Variants in TENT2 observed in about 807,000 individuals in gnomAD.
TENT2 encodes the protein poly(A) RNA polymerase GLD2.
In TENT2, 44 loss-of-function variants were observed where a neutral mutation model predicts 72.2. That is an observed-to-expected ratio of 0.61 (90% confidence interval 0.48 to 0.78). The LOEUF (loss-of-function observed/expected upper bound fraction) is 0.78, where lower values mean the gene tolerates loss of function less well. TENT2 is among the 30% of genes least tolerant of loss of function. The pLI, the probability that TENT2 is intolerant of heterozygous loss-of-function variation, is 0.00. For synonymous variants in TENT2, 212 were observed against 192.5 expected, an observed-to-expected ratio of 1.10 and a Z score of -0.84; for missense variants, 541 against 569.6, an observed-to-expected ratio of 0.95 and a Z score of 0.51.
At chr5:79,635,414 A>C (rs1779298704) in intron 4 of TENT2, among the ~76,000 whole-genome samples, 1 of 148,248 alleles carries the variant, frequency 6.7e-6, no homozygotes, top group Non-Finnish European at 1.5e-5. Context: ...CATGCATGTA[A>C]AAAATGGAGA....
chr5:79,641,226 GTTTCTCATGTTAATGAGT>G (rs1366658100), intron 6 of TENT2, 30 bp downstream of exon 6: 1 of 1,496,272 alleles, frequency 6.7e-7, no homozygotes, highest in Admixed American at 2.5e-5. Flanking sequence ...TTCCAAGTGT[GTTTCTCATGTTAATGAGT>G]TAAGAAATTT....
intron 13 of TENT2, among the ~76,000 whole-genome samples, chr5:79,680,602 T>G (rs2150938869): frequency 6.6e-6 from 1 of 152,030 alleles, no homozygotes; most frequent in South Asian, 2.1e-4. Flanking sequence ...TCTAAAAGTT[T>G]TGACCTTTCC....
At chr5:79,632,247 G>GT (rs931401195) in intron 4 of TENT2, among the ~76,000 whole-genome samples, 46 of 152,216 alleles carry the variant, frequency 3.0e-4, no homozygotes, top group Admixed American at 9.2e-4. Context: ...TTTGTTAGAA[G>GT]TTTTTTTAAC....
In TENT2 at chr5:79,688,232, C is replaced by A. The variant is rs946653084; in HGVS notation, c.*2959C>A. 6.6e-6 allele frequency among the ~76,000 whole-genome samples: 1 copy of A among 152,200 alleles called. No individual in the cohort carries two copies. ...CTATAATTAAAAATAAATGTTAACT[C>A]TTCTAGCCATCAAATCATTCTCATG... On this transcript the variant is annotated 3_prime_UTR_variant, in exon 15 of 15. Transcript: ENST00000453514.
At chr5:79,622,021 C>T (rs1284223481) in intron 3 of TENT2, among the ~76,000 whole-genome samples, 1 of 152,046 alleles carries the variant, frequency 6.6e-6, no homozygotes, top group East Asian at 1.9e-4. Context: ...CTTCTATGGG[C>T]CGGGTGCAGT....
At chr5:79,683,147 T>TA (rs535249441) in intron 14 of TENT2, among the ~76,000 whole-genome samples, 35 of 148,490 alleles carry the variant, frequency 2.4e-4, no homozygotes, top group Non-Finnish European at 3.4e-4. Context: ...ACTCCACCTC[T>TA]AAAAAAAAAA....
At chr5:79,682,120 G>GA (rs1366971121) in intron 14 of TENT2, 59 bp downstream of exon 14, 5 of 1,188,004 alleles carry the variant, frequency 4.2e-6, no homozygotes, top group Non-Finnish European at 3.7e-6. Flanking sequence ...CTTTAAACAG[G>GA]AAAAAATACG....
chr5:79,684,272 C>T (rs1371251328), intron 14 of TENT2, among the ~76,000 whole-genome samples: 1 of 152,108 alleles, frequency 6.6e-6, no homozygotes, highest in East Asian at 1.9e-4. Flanking sequence ...TAAATTTACT[C>T]TCTCCTTCAT....
At chr5:79,664,329 G>T (rs1805492089) in intron 11 of TENT2, among the ~76,000 whole-genome samples, 1 of 152,168 alleles carries the variant, frequency 6.6e-6, no homozygotes, top group Non-Finnish European at 1.5e-5. Context: ...AGCCGTGGTG[G>T]CTCATGCCTG....
chr5:79,661,480 G>A (rs1357190816), intron 11 of TENT2, among the ~76,000 whole-genome samples: 1 of 152,168 alleles, frequency 6.6e-6, no homozygotes, highest in South Asian at 2.1e-4. Context: ...GCAGGCATAC[G>A]TTTGAGGTGT....
chr5:79,657,539 A>C (rs1798800392), intron 11 of TENT2, among the ~76,000 whole-genome samples: 1 of 152,024 alleles, frequency 6.6e-6, no homozygotes. Flanking sequence ...AATTGGAAAC[A>C]TTCAAGAAAT....
rs371407363 is a variant in TENT2 at position 79,679,666 on chromosome 5, A to G, written c.1296A>G (p.Val432=). 8 of 1,549,796 alleles carry G rather than the reference A, an allele frequency of 5.2e-6. No individual in the cohort carries two copies. The African/African-American group carries it at 9.6e-5, about 19-fold the overall frequency. ...GIEWRNKYIC[V]EEPFDGTNTA... is the part of the protein sequence containing the mutation. ...AATGGAGAAATAAATACATCTGTGT[A>G]GAAGGTAGTTTTCTGTTTACCATCT... Residue 432 remains valine, a synonymous_variant, in exon 13 of 15, where the codon GTA becomes GTG. Coordinates refer to ENST00000453514, the MANE Select transcript of TENT2 (RefSeq NM_001114394.3).
intron 8 of TENT2, among the ~76,000 whole-genome samples, chr5:79,648,381 T>C (rs1790869955): frequency 6.6e-6 from 1 of 152,202 alleles, no homozygotes; most frequent in South Asian, 2.1e-4. Flanking sequence ...TACTGATCTT[T>C]CCACTGGAAT....
chr5:79,640,361 G>A (rs550977781), intron 4 of TENT2, among the ~76,000 whole-genome samples: 154 of 152,220 alleles, frequency 1.0e-3, no homozygotes, highest in Middle Eastern at 6.8e-3. Flanking sequence ...CTGGAAGACC[G>A]GGGACTGGTG....
chr5:79,670,977 T>C (rs1812578623), intron 12 of TENT2, among the ~76,000 whole-genome samples: 1 of 151,812 alleles, frequency 6.6e-6, no homozygotes, highest in Admixed American at 6.6e-5. Flanking sequence ...TATTATGTTA[T>C]ATAAATTAGG....
chr5:79,619,590 T>A lies in TENT2; in HGVS notation c.-37-22T>A, dbSNP rs1763124828. 4 of 1,485,094 alleles carry A rather than the reference T, an allele frequency of 2.7e-6. No homozygotes were observed. In the Admixed American group the frequency reaches 8.1e-5, roughly 30 times the overall value. 92.0% of individuals were successfully genotyped at this position (1,485,094 alleles called of 1,614,324 possible). A position where few individuals can be genotyped will look rare whatever the true frequency, so the allele number is the denominator to read the frequency against. On this transcript the variant is annotated intron_variant, in intron 1 of 14. Coordinates refer to ENST00000453514, the MANE Select transcript of TENT2 (RefSeq NM_001114394.3). ...GTCTTTAAGCTATGATAATTTAATATTGTCTTTTTAAATTATCCTAGGTAG... is the reference window on the plus strand; with the variant it reads ...GTCTTTAAGCTATGATAATTTAATAATGTCTTTTTAAATTATCCTAGGTAG...
chr5:79,661,611 G>A (rs567177798), intron 11 of TENT2, among the ~76,000 whole-genome samples: 246 of 152,290 alleles, frequency 1.6e-3, no homozygotes, highest in Admixed American at 3.7e-3. Context: ...ATAGCATTAT[G>A]TCTAAAAAAT....
chr5:79,669,122 C>CTAAATCTGT, intron 12 of TENT2, 94 bp downstream of exon 12: 1 of 1,389,052 alleles, frequency 7.2e-7, no homozygotes, highest in Non-Finnish European at 9.7e-7. Flanking sequence ...GTAAATGCTA[C>CTAAATCTGT]AGATTTAGTC....
intron 4 of TENT2, among the ~76,000 whole-genome samples, chr5:79,623,815 C>G (rs1767039263): frequency 6.7e-6 from 1 of 150,244 alleles, no homozygotes; most frequent in Non-Finnish European, 1.5e-5. Context: ...TATTGTAATA[C>G]AGTGTTAGAA....
Sources: gnomAD v4.1 joint callset for allele counts (sites outside exome capture counted in the v4.1 genomes callset) on GRCh38, gnomAD v4.1.1 for gene constraint, MANE v1.5 for transcripts, NCBI Gene and HGNC (gene_info 2026-07-23, HGNC 2026-07-21) for gene names.